The following ENTPD2 variants were observed in gnomAD, a reference collection of about 807,000 sequenced individuals.
ENTPD2 encodes the protein CD39 antigen-like 1.
A neutral mutation model predicts 46.8 loss-of-function variants in ENTPD2; 48 were observed. The ratio of observed to expected loss-of-function variants is 1.03; its 90% CI spans 0.81 to 1.30. ENTPD2 has a LOEUF of 1.30. Among genes scored for constraint, ENTPD2 ranks in the 50% most tolerant of loss-of-function variants. ENTPD2 has a pLI of 0.00. For missense variants in ENTPD2, 707 were observed against 651.1 expected (o/e 1.09, Z -0.93); for synonymous variants, 316 against 286.1 (o/e 1.10, Z -1.06).
At chr9:137,049,458 C>T (rs1349406814) in intron 7 of ENTPD2, 1 of 480,330 alleles carries the variant, frequency 2.1e-6, no homozygotes, top group Admixed American at 3.6e-5. Flanking sequence ...TGAGACTAGG[C>T]CCTGGGAGGA....
intron 8 of ENTPD2, 40 bp from the exon 9 acceptor site, chr9:137,048,900 G>A: frequency 6.8e-7 from 1 of 1,478,622 alleles, no homozygotes; most frequent in Non-Finnish European, 9.0e-7. Flanking sequence ...GAGAGGCCCC[G>A]CCCCGCAAGG....
intron 8 of ENTPD2, 34 bp from the exon 9 acceptor site, chr9:137,048,894 G>C (rs1564250641): frequency 1.3e-6 from 2 of 1,485,230 alleles, no homozygotes; most frequent in East Asian, 2.5e-5. Context: ...GCTCCCGAGA[G>C]GCCCCGCCCC....
intron 5 of ENTPD2, 62 bp downstream of exon 5, chr9:137,050,840 C>G (rs1377409521): frequency 1.3e-6 from 2 of 1,553,790 alleles, no homozygotes; most frequent in East Asian, 4.5e-5. Context: ...AGCACAGTGG[C>G]TGTCCAGGCT....
Position 137,048,794 on chromosome 9 carries a change from C to G in ENTPD2, c.1351G>C (p.Asp451His). ...GTGCCCTTGCGCAGCCCCGGCGGGT[C>G]GGCGGGGATCAGGTTGGTCAGGTTC... ...MLNLTNLIPA[D>H]PPGLRKGTDF... Residue 451 changes from aspartate (D) to histidine (H), a missense_variant, in exon 9 of 9, where the codon GAC becomes CAC. Asp to His is a moderately conservative substitution (Grantham distance 81, BLOSUM62 -1). Transcript: ENST00000355097. 12 of 1,585,170 alleles carry G rather than the reference C, an allele frequency of 7.6e-6. No individual in the cohort carries two copies. The highest frequency in any genetic ancestry group is 1.0e-5 in the Non-Finnish European group (12 of 1,165,150).
rs374463317 is a variant in ENTPD2, at chr9:137,049,046, G to A, written c.1179C>T (p.Ala393=). 1.5e-4 allele frequency: 223 copies of A among 1,534,426 alleles called. No homozygotes were observed. The highest frequency in any genetic ancestry group is 6.8e-4 in the Middle Eastern group (4 of 5,884). The change falls in exon 8 of 9, where the codon GCC becomes GCT. Residue 393 remains alanine (A), a synonymous_variant. Transcript: ENST00000355097. The part of the protein sequence containing the change: ...QLQARVPGQR[A]RLADYCAGAM... ...CCCCGGCGCAGTAGTCGGCCAGGCGGGCCCGTTGCCCTGGCACCCGAGCTT... is the reference window on the plus strand; with the variant it reads ...CCCCGGCGCAGTAGTCGGCCAGGCGAGCCCGTTGCCCTGGCACCCGAGCTT...
At chr9:137,050,641 T>G in intron 5 of ENTPD2, 103 bp from the exon 6 acceptor site, 1 of 1,482,900 alleles carries the variant, frequency 6.7e-7, no homozygotes, top group Non-Finnish European at 9.0e-7. Context: ...ACTTTTGTGC[T>G]CAGGGGCAAT....
In ENTPD2 at chr9:137,048,548, A is replaced by C; in HGVS notation, c.*109T>G. 1 of 700,418 alleles carries C rather than the reference A, an allele frequency of 1.4e-6. No individual in the cohort carries two copies. Among genetic ancestry groups the C allele is most frequent in the Non-Finnish European group, 2.1e-6 (1 of 479,510 alleles). 43.4% of individuals were successfully genotyped at this position (700,418 alleles called of 1,614,324 possible). A position where few individuals can be genotyped will look rare whatever the true frequency, so the allele number is the denominator to read the frequency against. On this transcript the variant is annotated 3_prime_UTR_variant, in exon 9 of 9. Transcript: ENST00000355097. ...GAGAGGTTGGGAGAGGGGTGGGTGG[A>C]GGGGTGGGGATACAGGGGTGGGAGG...
chr9:137,048,779 G>A lies in ENTPD2; in HGVS notation c.1366C>T (p.Arg456Cys), dbSNP rs769461523. 8.2e-6 allele frequency: 13 copies of A among 1,593,776 alleles called. No homozygotes were observed. Among genetic ancestry groups the A allele is most frequent in the Non-Finnish European group, 1.0e-5 (12 of 1,169,870 alleles). The change falls in exon 9 of 9, where the codon CGC becomes TGC. Residue 456 changes from arginine to cysteine, a missense_variant. Physicochemically the swap from Arg to Cys is radical, Grantham distance 180 (BLOSUM62 -3). Transcript: ENST00000355097. ...NLIPADPPGL[R>C]KGTDFSSWVV... ...CAGGAGCTGAAGTCTGTGCCCTTGC[G>A]CAGCCCCGGCGGGTCGGCGGGGATC...
intron 2 of ENTPD2, 152 bp downstream of exon 2, chr9:137,052,079 G>A (rs977652841): frequency 6.3e-5 from 45 of 711,456 alleles, no homozygotes; most frequent in Non-Finnish European, 9.6e-5. Context: ...CCACTCAGGC[G>A]CAGGGGCACC....
Position 137,048,694 on chromosome 9 carries a change from C to T in ENTPD2, c.1451G>A (p.Arg484His), listed in dbSNP as rs748558678. 6 of 1,604,424 alleles carry T rather than the reference C, an allele frequency of 3.7e-6. No homozygotes were observed. The highest frequency in any genetic ancestry group is 1.7e-4 in the Middle Eastern group (1 of 6,038). The change falls in exon 9 of 9, where the codon CGT (arginine) becomes CAT (histidine). Residue 484 changes from arginine to histidine, a missense_variant. Coordinates refer to ENST00000355097, the MANE Select transcript of ENTPD2 (RefSeq NM_203468.3). ...TGGCAGCTTGGCGGAGTGCACCTGA[C>T]GCAGCAGCAGGACAAGCGCAGCCAG... is the stretch of plus-strand genomic sequence containing the variant. ...ALLAALVLLL[R>H]QVHSAKLPST...
In ENTPD2 at chr9:137,052,267, C is replaced by T. The variant is rs757932715; in HGVS notation, c.199G>A (p.Gly67Ser). ...KWPADKENDT[G>S]IVGQHSSCDV... ...CAGGAGCTGTGCTGGCCCACAATGC[C>T]TGTGTCGTTCTCCTTGTCTGCCGGC... Residue 67 changes from glycine (G) to serine (S), a missense_variant, in exon 2 of 9, where the codon GGC (glycine) becomes AGC (serine). Physicochemically the swap from Gly to Ser is moderately conservative, Grantham distance 56. Transcript: ENST00000355097. The T allele has an allele frequency of 1.2e-6, 2 of 1,611,636 alleles. No individual in the cohort carries two copies. Among genetic ancestry groups the T allele is most frequent in the East Asian group, 4.5e-5 (2 of 44,788 alleles).
In ENTPD2 at chr9:137,050,556, G is replaced by C. The variant is rs113129077; in HGVS notation, c.775-18C>G. ...CCGTGGGTCTGGGGGAATCACCAGC[G>C]TGACAGGGTGGCACCACCACCGCTC... On this transcript the variant is annotated intron_variant, in intron 5 of 8. Transcript: ENST00000355097. 1.2e-6 allele frequency: 2 copies of C among 1,607,828 alleles called. No individual in the cohort carries two copies. Among genetic ancestry groups the C allele is most frequent in the South Asian group, 1.1e-5 (1 of 90,772 alleles).
Position 137,049,948 on chromosome 9 carries a change from A to G in ENTPD2, c.1071T>C (p.Thr357=), listed in dbSNP as rs767111899. The G allele has an allele frequency of 2.2e-5, 35 of 1,612,504 alleles. No homozygotes were observed. In the African/African-American group the frequency reaches 4.7e-4, roughly 22 times the overall value. The stretch of plus-strand genomic sequence containing the variant: ...GGGTGGCCACGGGCAGCCCCATCGA[A>G]GTCCGCAAAAAGTCCACAGTGTAGA... ...AFFYTVDFLR[T]SMGLPVATLQ... The change falls in exon 7 of 9, where the codon ACT becomes ACC. Residue 357 remains threonine, a synonymous_variant. Transcript: ENST00000355097.
At position 137,048,617 on chromosome 9, in the gene ENTPD2, G is replaced by C; in HGVS notation, c.*40C>G. On this transcript the variant is annotated 3_prime_UTR_variant, in exon 9 of 9. Coordinates refer to ENST00000355097, the MANE Select transcript of ENTPD2 (RefSeq NM_203468.3). ...GGTGGGAGTACGGGGTGGGGATACAGGGGTTGGGGGAGGGATGGGGCAGCT... is the reference window on the plus strand; with the variant it reads ...GGTGGGAGTACGGGGTGGGGATACACGGGTTGGGGGAGGGATGGGGCAGCT... 6.6e-7 allele frequency: 1 copy of C among 1,522,476 alleles called. No individual in the cohort carries two copies. Among genetic ancestry groups the C allele is most frequent in the Non-Finnish European group, 8.8e-7 (1 of 1,135,238 alleles). 94.3% of individuals were successfully genotyped at this position (1,522,476 alleles called of 1,614,324 possible).
chr9:137,048,830 C>T lies in ENTPD2; in HGVS notation c.1315G>A (p.Gly439Ser). Reference sequence around the variant, plus strand: ...AGGTTGGTCAGGTTCAGCATGTAGCCGAGCGCCCAGCCCACTGCAGTGTCC... The same window carrying T: ...AGGTTGGTCAGGTTCAGCATGTAGCTGAGCGCCCAGCCCACTGCAGTGTCC... ...AADTAVGWAL[G>S]YMLNLTNLIP... The change falls in exon 9 of 9, where the codon GGC becomes AGC. Residue 439 changes from glycine to serine, a missense_variant. Gly to Ser is a moderately conservative substitution (Grantham distance 56). Coordinates refer to ENST00000355097, the MANE Select transcript of ENTPD2 (RefSeq NM_203468.3). 6.4e-7 allele frequency: 1 copy of T among 1,560,166 alleles called. No individual in the cohort carries two copies. Among genetic ancestry groups the T allele is most frequent in the Non-Finnish European group, 8.7e-7 (1 of 1,152,690 alleles).
chr9:137,048,551 G>A lies in ENTPD2; in HGVS notation c.*106C>T. On this transcript the variant is annotated 3_prime_UTR_variant, in exon 9 of 9. Transcript: ENST00000355097. The stretch of plus-strand genomic sequence containing the variant: ...AGGTTGGGAGAGGGGTGGGTGGAGG[G>A]GTGGGGATACAGGGGTGGGAGGTAC... 3 of 890,542 alleles carry A rather than the reference G, an allele frequency of 3.4e-6. No individual in the cohort carries two copies. Among genetic ancestry groups the A allele is most frequent in the Non-Finnish European group, 5.0e-6 (3 of 605,086 alleles). The allele number at this position is 890,542 out of a possible 1,614,324, so 55.2% of individuals were successfully genotyped here.
At position 137,049,962 on chromosome 9, in the gene ENTPD2, CCA is replaced by C. The variant is rs769210965; in HGVS notation, c.1055_1056del (p.Val352GlyfsTer286). On this transcript the variant is annotated frameshift_variant, in exon 7 of 9. Transcript: ENST00000355097. LOFTEE classifies it high-confidence loss of function. The stretch of plus-strand genomic sequence containing the variant: ...AGCCCCATCGAAGTCCGCAAAAAGT[CCA>C]CAGTGTAGAAGAAGGCAGAGAAGGC... ...FVAFSAFFYT[V>X]DFLRTSMGLP... 5.6e-6 allele frequency: 9 copies of C among 1,612,550 alleles called. No homozygotes were observed. Among genetic ancestry groups the C allele is most frequent in the African/African-American group, 5.3e-5 (4 of 74,910 alleles).
Position 137,051,036 on chromosome 9 carries a change from T to G in ENTPD2, c.640A>C (p.Thr214Pro). 6.2e-7 allele frequency: 1 copy of G among 1,612,794 alleles called. No homozygotes were observed. Among genetic ancestry groups the G allele is most frequent in the Non-Finnish European group, 8.5e-7 (1 of 1,179,944 alleles). Residue 214 changes from threonine (T) to proline (P), a missense_variant, in exon 5 of 9, where the codon ACC becomes CCC. Transcript: ENST00000355097. ...CTGGCTCTGTCCTCAGCTGGACTGG[T>G]TGTCTCAAAAGTGATCTGGGTAGAG... ...GASTQITFETTSPAEDRASEV... is the reference protein window; with the variant it reads ...GASTQITFETPSPAEDRASEV...
At chr9:137,053,075 A>G (rs1832333682) in intron 1 of ENTPD2, 1 of 152,278 alleles carries the variant, frequency 6.6e-6, no homozygotes, top group African/African-American at 2.4e-5. Flanking sequence ...CCGGGCGCCA[A>G]TTCCAGCCTC....
Sources: gnomAD v4.1 joint callset for allele counts on GRCh38, gnomAD v4.1.1 for gene constraint, MANE v1.5 for transcripts, NCBI Gene and HGNC (gene_info 2026-07-23, HGNC 2026-07-21) for gene names.